The following USH2A variants were observed in gnomAD, a reference collection of about 807,000 sequenced individuals.
USH2A encodes the protein usherin.
Under a neutral mutation model 538.9 loss-of-function variants are expected in USH2A, and 443 were observed. That is an observed-to-expected ratio of 0.82 (90% CI 0.76 to 0.89). The LOEUF (loss-of-function observed/expected upper bound fraction) is 0.89, where lower values mean the gene tolerates loss of function less well. Among genes scored for constraint, USH2A ranks in the 40% least tolerant of loss-of-function variants. The pLI, the probability that USH2A is intolerant of heterozygous loss-of-function variation, is 0.00. For synonymous variants in USH2A, 2,413 were observed against 2,273.5 expected (o/e 1.06, Z -1.75); for missense variants, 6,633 against 6,324.8 (o/e 1.05, Z -1.65).
At chr1:215,844,183 A>T in intron 46 of USH2A, 111 bp downstream of exon 46, 1 of 1,166,994 alleles carries the variant, frequency 8.6e-7, no homozygotes, top group Non-Finnish European at 1.2e-6. Context: ...TCCCTTCCCC[A>T]CCAAAGAAAT....
intron 9 of USH2A, among the ~76,000 whole-genome samples, chr1:216,305,844 T>G (rs2037306528): frequency 6.6e-6 from 1 of 152,154 alleles, no homozygotes; most frequent in South Asian, 2.1e-4. Context: ...GGACACCAAT[T>G]CCTTCTAGCT....
intron 35 of USH2A, among the ~76,000 whole-genome samples, chr1:215,984,381 A>T (rs1341503339): frequency 6.6e-6 from 1 of 152,234 alleles, no homozygotes; most frequent in African/African-American, 2.4e-5. Context: ...AGTTCTAGAC[A>T]TTCAGTTCTT....
At chr1:216,388,552 G>T (rs1411716118) in intron 3 of USH2A, among the ~76,000 whole-genome samples, 2 of 152,176 alleles carry the variant, frequency 1.3e-5, no homozygotes, top group Non-Finnish European at 2.9e-5. Context: ...CTCGGAAGAT[G>T]AATTTTTGTT....
chr1:215,970,693 C>A lies in USH2A; in HGVS notation c.6889G>T (p.Ala2297Ser), dbSNP rs150634036. 2 of 1,613,578 alleles carry A rather than the reference C, an allele frequency of 1.2e-6. No homozygotes were observed. Among genetic ancestry groups the A allele is most frequent in the African/African-American group, 2.7e-5 (2 of 74,886 alleles). The stretch of plus-strand genomic sequence containing the variant: ...CTGAAGGAATGTAAACTCCAAGGAG[C>A]AAATCCGTAAGCACGATAGCTGAGT... ...SELSYRAYGF[A>S]PWSLHSFRVQ... Residue 2297 changes from alanine (A) to serine (S), a missense_variant, in exon 36 of 72, where the codon GCT becomes TCT. Transcript: ENST00000307340.
chr1:216,161,215 A>C (rs368792676), intron 21 of USH2A, among the ~76,000 whole-genome samples: 6 of 152,116 alleles, frequency 3.9e-5, no homozygotes, highest in Non-Finnish European at 8.8e-5. Context: ...TATGTTCACC[A>C]CAGTGGTATT....
At chr1:215,761,274 C>T (rs149751165) in intron 56 of USH2A, among the ~76,000 whole-genome samples, 2 of 152,296 alleles carry the variant, frequency 1.3e-5, no homozygotes, top group African/African-American at 4.8e-5. Flanking sequence ...GTGTAACTAT[C>T]ACCTTATTGA....
At chr1:216,275,389 G>A (rs901486751) in intron 11 of USH2A, among the ~76,000 whole-genome samples, 11 of 152,086 alleles carry the variant, frequency 7.2e-5, no homozygotes, top group East Asian at 3.9e-4. Flanking sequence ...TATTTCTAAC[G>A]TGAATAAATG....
chr1:215,874,313 T>C (rs1046793494), intron 43 of USH2A, among the ~76,000 whole-genome samples: 4 of 152,180 alleles, frequency 2.6e-5, no homozygotes, highest in African/African-American at 7.2e-5. Context: ...CCTGTAGTTA[T>C]ACGGAATTCG....
chr1:216,301,286 C>T (rs532691938), intron 9 of USH2A, among the ~76,000 whole-genome samples: 16 of 152,124 alleles, frequency 1.1e-4, no homozygotes, highest in Non-Finnish European at 2.2e-4. Flanking sequence ...GAAAATTTCC[C>T]TTCAAGGTCC....
At chr1:216,096,980 C>T in intron 22 of USH2A, 103 bp downstream of exon 22, 1 of 1,222,934 alleles carries the variant, frequency 8.2e-7, no homozygotes, top group South Asian at 1.4e-5. Flanking sequence ...ACTTACCTTA[C>T]AAGGTTTGAA....
intron 15 of USH2A, among the ~76,000 whole-genome samples, chr1:216,217,027 C>G (rs1464826920): frequency 6.6e-6 from 1 of 151,936 alleles, no homozygotes; most frequent in Non-Finnish European, 1.5e-5. Flanking sequence ...GTCTTTGTGT[C>G]GGTGACCAAC....
Position 215,640,615 on chromosome 1 carries a change from G to A in USH2A, c.14911C>T (p.Arg4971Ter), listed in dbSNP as rs397517994. ...GTGTCCAAGCCGCTGTACACGCGTC[G>A]CCCTCCGTCGGTTAACACGTACTCC... The part of the protein sequence containing the change: ...LKEYVLTDGG[R>*]RVYSGLDTTL... Residue 4971 changes from arginine to a stop codon, truncating the protein, a stop_gained, in exon 68 of 72, where the codon CGA becomes TGA. Transcript: ENST00000307340. LOFTEE classifies it high-confidence loss of function. 6.8e-6 allele frequency: 11 copies of A among 1,613,582 alleles called. No homozygotes were observed. The highest frequency in any genetic ancestry group is 6.8e-6 in the Non-Finnish European group (8 of 1,179,952).
chr1:215,759,858 G>A lies in USH2A; in HGVS notation c.11048-15C>T, dbSNP rs74141403. The A allele has an allele frequency of 1.3e-3, 2,173 of 1,613,718 alleles. 31 individuals are homozygous for A. The African/African-American group carries it at 0.025, about 19-fold the overall frequency. Reference sequence around the variant, plus strand: ...CACCCAAACTCCTGGCAAGAATAACGCAATGAGGTTTTATTGTTAGGAGAA... The same window carrying A: ...CACCCAAACTCCTGGCAAGAATAACACAATGAGGTTTTATTGTTAGGAGAA... On this transcript the variant is annotated splice_polypyrimidine_tract_variant and intron_variant, in intron 56 of 71. Coordinates refer to ENST00000307340, the MANE Select transcript of USH2A (RefSeq NM_206933.4).
chr1:215,627,395 TC>T (rs1298653220), intron 71 of USH2A, among the ~76,000 whole-genome samples: 7 of 57,950 alleles, frequency 1.2e-4, no homozygotes, highest in African/African-American at 4.0e-4. Flanking sequence ...TTTCCTTCCT[TC>T]CTTCCTTCCT....
chr1:216,217,340 T>C (rs1002687903), intron 15 of USH2A, 47 bp downstream of exon 15: 2 of 1,608,050 alleles, frequency 1.2e-6, no homozygotes, highest in Non-Finnish European at 1.7e-6. Context: ...TGCAGTCCCC[T>C]GTATGATGCT....
At chr1:215,797,429 A>G (rs4314861) in intron 50 of USH2A, among the ~76,000 whole-genome samples, 4,308 of 152,244 alleles carry the variant, frequency 0.028, 71 homozygotes, top group Middle Eastern at 0.041. Flanking sequence ...GAAGATGCCA[A>G]CTAGAGCTTT....
Position 215,719,249 on chromosome 1 carries a change from A to G in USH2A, c.12066+8781T>C, listed in dbSNP as rs571114773. On this transcript the variant is annotated intron_variant, in intron 61 of 71. Transcript: ENST00000307340. ...GGTCCTAAGAGTGTCATGTCAGGTA[A>G]AGAGAACTACATATAGGGTGGAAAT... Among the ~76,000 whole-genome samples, 18 of 151,912 alleles carry G rather than the reference A, an allele frequency of 1.2e-4. No homozygotes were observed. The South Asian group carries it at 3.1e-3, about 26-fold the overall frequency.
intron 20 of USH2A, among the ~76,000 whole-genome samples, chr1:216,183,531 G>A (rs2034533134): frequency 6.6e-6 from 1 of 151,884 alleles, no homozygotes. Context: ...GATTTAAGAT[G>A]CGGCATATTG....
intron 11 of USH2A, among the ~76,000 whole-genome samples, chr1:216,275,427 T>C (rs577934756): frequency 6.6e-6 from 1 of 152,122 alleles, no homozygotes; most frequent in East Asian, 1.9e-4. Context: ...GTTAATGTTG[T>C]ATAAAGATAC....
Sources: allele counts gnomAD v4.1 joint callset (sites outside exome capture counted in the v4.1 genomes callset), GRCh38; gene constraint gnomAD v4.1.1; transcripts MANE v1.5; gene names NCBI Gene and HGNC (gene_info 2026-07-23, HGNC 2026-07-21).